Variants in TTK observed in about 807,000 individuals in gnomAD.
TTK encodes TTK protein kinase, also known as dual specificity protein kinase TTK.
TTK carries 59 observed loss-of-function variants against 117.3 expected under a neutral mutation model. The ratio of observed to expected loss-of-function variants is 0.50; its 90% confidence interval spans 0.41 to 0.62. TTK has a LOEUF of 0.62. Among genes scored for constraint, TTK ranks in the 20% least tolerant of loss-of-function variants. The probability of loss-of-function intolerance (pLI) is 0.00; values close to 1 mark genes in which losing one functional copy is unlikely to be tolerated. For missense variants in TTK, 921 were observed against 989.4 expected (o/e 0.93, Z 0.93); for synonymous variants, 302 against 325.0 (o/e 0.93, Z 0.76).
chr6:80,017,325 T>A (rs951539872), intron 10 of TTK, among the ~76,000 whole-genome samples: 1 of 152,228 alleles, frequency 6.6e-6, no homozygotes, highest in Non-Finnish European at 1.5e-5. Context: ...TCACCCAGAT[T>A]GCAGTGCAGT....
chr6:80,036,635 C>A, intron 17 of TTK, 36 bp downstream of exon 17: 1 of 1,555,500 alleles, frequency 6.4e-7, no homozygotes, highest in South Asian at 1.2e-5. Context: ...CAGTAGAGTT[C>A]AATTCTTTTT....
intron 14 of TTK, among the ~76,000 whole-genome samples, chr6:80,033,596 G>T (rs962551900): frequency 3.9e-5 from 6 of 152,162 alleles, no homozygotes; most frequent in African/African-American, 1.2e-4. Flanking sequence ...TGAGTAAACT[G>T]TCTGTCCTCA....
intron 13 of TTK, 44 bp downstream of exon 13, chr6:80,028,055 C>T (rs747178706): frequency 6.7e-7 from 1 of 1,501,124 alleles, no homozygotes; most frequent in South Asian, 1.4e-5. Flanking sequence ...AAGATACAGT[C>T]CGTTTTACAG....
chr6:80,039,892 A>G lies in TTK; in HGVS notation c.2307+20A>G, dbSNP rs1304096959. ...TTAAAGGTAATATTAATTTCATGTA[A>G]CTAATTATTTACTTAAAAGAAATAG... is the stretch of plus-strand genomic sequence containing the variant. On this transcript the variant is annotated intron_variant, in intron 19 of 21. Transcript: ENST00000369798. 6.9e-7 allele frequency: 1 copy of G among 1,458,040 alleles called. No individual in the cohort carries two copies. The highest frequency in any genetic ancestry group is 9.1e-7 in the Non-Finnish European group (1 of 1,097,916). 90.3% of individuals were successfully genotyped at this position (1,458,040 alleles called of 1,614,324 possible).
intron 14 of TTK, among the ~76,000 whole-genome samples, chr6:80,033,420 C>G (rs985636681): frequency 6.6e-6 from 1 of 152,260 alleles, no homozygotes; most frequent in Non-Finnish European, 1.5e-5. Flanking sequence ...ATCTTACCTT[C>G]TAACATGTTC....
At position 80,026,528 on chromosome 6, in the gene TTK, C is replaced by A; in HGVS notation, c.1394+14C>A. The A allele has an allele frequency of 6.2e-7, 1 of 1,612,514 alleles. No individual in the cohort carries two copies. Among genetic ancestry groups the A allele is most frequent in the Non-Finnish European group, 8.5e-7 (1 of 1,179,396 alleles). Reference sequence around the variant, plus strand: ...TTACATGAGCTGGTAATTACTTTGGCCCCTTGCTTGATTGGCAGGGTGGTA... The same window carrying A: ...TTACATGAGCTGGTAATTACTTTGGACCCTTGCTTGATTGGCAGGGTGGTA... On this transcript the variant is annotated intron_variant, in intron 12 of 21. Transcript: ENST00000369798.
Position 80,007,991 on chromosome 6 carries a change from A to ACC in TTK, c.322_323insCC (p.Ser108ThrfsTer8). Reference sequence around the variant, plus strand: ...CCCAGATAAATATGGCCAAAATGAGAGTTTTGCTAGAATTCAAGTGAGATT... The same window carrying ACC: ...CCCAGATAAATATGGCCAAAATGAGACCGTTTTGCTAGAATTCAAGTGAGATT... On this transcript the variant is annotated frameshift_variant, in exon 3 of 22. Transcript: ENST00000369798. LOFTEE classifies it high-confidence loss of function. The ACC allele has an allele frequency of 5.5e-5, 87 of 1,591,328 alleles. No individual in the cohort carries two copies. The highest frequency in any genetic ancestry group is 6.5e-5 in the Non-Finnish European group (75 of 1,159,760).
rs1767977602 is a variant in TTK at position 80,038,966 on chromosome 6, AT to A, written c.2131-729del. On this transcript the variant is annotated intron_variant, in intron 18 of 21. Transcript: ENST00000369798. ...GGTTTATCATTTAATGCCCATGACA[AT>A]GTACTTTTATAATTTCTATATCAGA... 4.6e-5 allele frequency among the ~76,000 whole-genome samples: 7 copies of A among 152,238 alleles called. No individual in the cohort carries two copies. The South Asian group carries it at 1.5e-3, about 32-fold the overall frequency.
intron 14 of TTK, among the ~76,000 whole-genome samples, chr6:80,032,995 C>G (rs1767799298): frequency 6.6e-6 from 1 of 152,090 alleles, no homozygotes; most frequent in South Asian, 2.1e-4. Context: ...GCAATTGACT[C>G]TCTGCAATAT....
In TTK at chr6:80,007,851, A is replaced by G; in HGVS notation, c.182A>G (p.Asn61Ser). 6.2e-7 allele frequency: 1 copy of G among 1,613,402 alleles called. No individual in the cohort carries two copies. Among genetic ancestry groups the G allele is most frequent in the South Asian group, 1.1e-5 (1 of 91,014 alleles). ...AACCAAATTATGATGATGGCAAACA[A>G]CCCAGAGGACTGGTTGAGTTTGTTG... is the stretch of plus-strand genomic sequence containing the variant. The part of the protein sequence containing the change: ...TVNQIMMMAN[N>S]PEDWLSLLLK... The change falls in exon 3 of 22, where the codon AAC becomes AGC. Residue 61 changes from asparagine (N) to serine (S), a missense_variant. By Grantham distance (46) the Asn-to-Ser change is conservative. Coordinates refer to ENST00000369798, the MANE Select transcript of TTK (RefSeq NM_003318.5).
chr6:80,034,695 T>TTA (rs1262628678), intron 14 of TTK, among the ~76,000 whole-genome samples: 1 of 152,146 alleles, frequency 6.6e-6, no homozygotes, highest in Non-Finnish European at 1.5e-5. Flanking sequence ...CAACAGATTG[T>TTA]TATATATATC....
chr6:80,039,505 G>T (rs1328514338), intron 18 of TTK, among the ~76,000 whole-genome samples, 191 bp from the exon 19 acceptor site: 2 of 151,774 alleles, frequency 1.3e-5, no homozygotes, highest in Non-Finnish European at 3.0e-5. Context: ...TTAAAGTAAA[G>T]CTCATATCTT....
chr6:80,013,158 A>G (rs1236776689), intron 8 of TTK, 121 bp from the exon 9 acceptor site: 3 of 778,554 alleles, frequency 3.9e-6, no homozygotes, highest in African/African-American at 3.7e-5. Flanking sequence ...TGTCTTTTTA[A>G]GAGATTTTTT....
intron 14 of TTK, among the ~76,000 whole-genome samples, chr6:80,033,756 G>A (rs1767818566): frequency 7.5e-6 from 1 of 134,180 alleles, no homozygotes; most frequent in South Asian, 2.4e-4. Context: ...TAAGGTATGT[G>A]CATTACCATG....
At chr6:80,030,340 A>T (rs1262283802) in intron 13 of TTK, among the ~76,000 whole-genome samples, 1 of 152,200 alleles carries the variant, frequency 6.6e-6, no homozygotes, top group Non-Finnish European at 1.5e-5. Flanking sequence ...GGCTGGTTGT[A>T]TAGTACATCA....
At chr6:80,034,351 G>A (rs929640164) in intron 14 of TTK, among the ~76,000 whole-genome samples, 1 of 152,018 alleles carries the variant, frequency 6.6e-6, no homozygotes, top group Non-Finnish European at 1.5e-5. Context: ...TACCTAAACC[G>A]GATTGCAAGA....
At chr6:80,006,330 T>C (rs1766993845) in intron 2 of TTK, among the ~76,000 whole-genome samples, 1 of 152,176 alleles carries the variant, frequency 6.6e-6, no homozygotes, top group Non-Finnish European at 1.5e-5. Flanking sequence ...TTTGGATAAT[T>C]TTCTTACATC....
chr6:80,013,211 G>GA, intron 8 of TTK, 68 bp from the exon 9 acceptor site: 2 of 1,338,414 alleles, frequency 1.5e-6, no homozygotes, highest in Non-Finnish European at 2.1e-6. Context: ...AACTTGAGAT[G>GA]AAAAAATACA....
Position 80,014,469 on chromosome 6 carries a change from C to CA in TTK, c.995dup (p.Asn332LysfsTer2). The CA allele has an allele frequency of 1.2e-6, 2 of 1,604,096 alleles. No individual in the cohort carries two copies. The highest frequency in any genetic ancestry group is 1.7e-6 in the Non-Finnish European group (2 of 1,175,778). On this transcript the variant is annotated frameshift_variant, in exon 10 of 22. Transcript: ENST00000369798. LOFTEE classifies it high-confidence loss of function. ...GATTTTCTTTTTCATGTAGTCTGTT[C>CA]AAAATAGTCATTTCAAGGAACCTCT...
Sources: gnomAD v4.1 joint callset for allele counts (sites outside exome capture counted in the v4.1 genomes callset) on GRCh38, gnomAD v4.1.1 for gene constraint, MANE v1.5 for transcripts, NCBI Gene and HGNC (gene_info 2026-07-23, HGNC 2026-07-21) for gene names.